HHLA2: variants seen among roughly 807,000 people sequenced by gnomAD.
HHLA2 encodes the protein HERV-H LTR-associating protein 2.
A neutral mutation model predicts 45.9 loss-of-function variants in HHLA2; 48 were observed. The ratio of observed to expected loss-of-function variants is 1.05; its 90% CI spans 0.83 to 1.33. The LOEUF (loss-of-function observed/expected upper bound fraction) is 1.33, where lower values mean the gene tolerates loss of function less well. Ranked by LOEUF, HHLA2 falls within the 40% of genes most tolerant of loss-of-function variation. The pLI is 0.00. For missense variants in HHLA2, 462 were observed against 494.3 expected (o/e 0.93, Z 0.62); for synonymous variants, 161 against 173.9 (o/e 0.93, Z 0.59).
intron 7 of HHLA2, among the ~76,000 whole-genome samples, chr3:108,359,255 C>T (rs1455319577): frequency 6.6e-6 from 1 of 151,984 alleles, no homozygotes; most frequent in East Asian, 1.9e-4. Context: ...ATCTAATTTT[C>T]AGTTCACACA....
chr3:108,370,900 T>G (rs964871625), intron 8 of HHLA2, among the ~76,000 whole-genome samples: 3 of 152,196 alleles, frequency 2.0e-5, no homozygotes, highest in Non-Finnish European at 4.4e-5. Context: ...TGGAAAACAC[T>G]CTGGGGAAGT....
At chr3:108,378,170 C>T (rs983460976) in exon 11 of HHLA2, 5 of 152,200 alleles carry the variant, frequency 3.3e-5, no homozygotes, top group African/African-American at 4.8e-5. Flanking sequence ...TTAACTTCAC[C>T]GCCTAACCCA....
intron 1 of HHLA2, among the ~76,000 whole-genome samples, chr3:108,304,101 TTC>T (rs928201814): frequency 6.6e-6 from 1 of 152,190 alleles, no homozygotes. Context: ...TTTGAGTGGC[TTC>T]TCTCTGTTCA....
At chr3:108,326,093 G>T in intron 2 of HHLA2, 3 of 268,988 alleles carry the variant, frequency 1.1e-5, no homozygotes, top group South Asian at 4.7e-5. Context: ...TTATTTCTTA[G>T]GTGATGGTCT....
rs190390046 is a variant in HHLA2 at position 108,357,493 on chromosome 3, A to G, written c.686-351A>G. ...GGGTGTTCTGGGGACCACCAGCATT[A>G]GAGGGGCCAAGAGAAGGAGAACATT... On this transcript the variant is annotated intron_variant, in intron 6 of 10. Transcript: ENST00000619531. Among the ~76,000 whole-genome samples the G allele has an allele frequency of 2.0e-5, 3 of 152,298 alleles. No homozygotes were observed. The East Asian group carries it at 5.8e-4, about 29-fold the overall frequency.
At chr3:108,300,186 A>G (rs1271927057) in intron 1 of HHLA2, among the ~76,000 whole-genome samples, 1 of 152,296 alleles carries the variant, frequency 6.6e-6, no homozygotes, top group East Asian at 1.9e-4. Flanking sequence ...GGGAAACAGC[A>G]CAGAACCTGG....
At chr3:108,298,389 C>T (rs1320846137) in intron 1 of HHLA2, among the ~76,000 whole-genome samples, 1 of 152,206 alleles carries the variant, frequency 6.6e-6, no homozygotes, top group African/African-American at 2.4e-5. Flanking sequence ...TAACACAATA[C>T]TATCTTTATA....
intron 2 of HHLA2, among the ~76,000 whole-genome samples, chr3:108,322,277 T>C (rs1402908373): frequency 6.6e-6 from 1 of 152,210 alleles, no homozygotes; most frequent in Non-Finnish European, 1.5e-5. Context: ...ATCTGTTTGA[T>C]AAATTAGTCT....
intron 2 of HHLA2, among the ~76,000 whole-genome samples, chr3:108,313,417 C>T (rs542451715): frequency 7.9e-5 from 12 of 152,258 alleles, no homozygotes; most frequent in African/African-American, 2.6e-4. Flanking sequence ...AAATATGTTT[C>T]AGAACCACTC....
chr3:108,352,060 T>C (rs1026041880), intron 4 of HHLA2, among the ~76,000 whole-genome samples, 183 bp downstream of exon 3: 3 of 152,224 alleles, frequency 2.0e-5, no homozygotes, highest in Non-Finnish European at 4.4e-5. Context: ...TATATATTTT[T>C]TCTGTCCACT....
At chr3:108,304,179 T>C (rs1015841681) in intron 1 of HHLA2, among the ~76,000 whole-genome samples, 7 of 152,208 alleles carry the variant, frequency 4.6e-5, no homozygotes, top group African/African-American at 1.7e-4. Context: ...TCCCATTTGT[T>C]TCCTACTCCT....
At chr3:108,302,118 T>C (rs1332734809) in intron 1 of HHLA2, among the ~76,000 whole-genome samples, 1 of 152,204 alleles carries the variant, frequency 6.6e-6, no homozygotes, top group Non-Finnish European at 1.5e-5. Flanking sequence ...GTGAGTTACA[T>C]AGATCTGATT....
chr3:108,348,602 T>C (rs1297901510), intron 3 of HHLA2, among the ~76,000 whole-genome samples: 1 of 151,752 alleles, frequency 6.6e-6, no homozygotes, highest in Non-Finnish European at 1.5e-5. Flanking sequence ...GAGAGAGAGA[T>C]CCTGATGATG....
At chr3:108,377,394 C>T (rs2082293783) in exon 11 of HHLA2, 4 of 721,456 alleles carry the variant, frequency 5.5e-6, no homozygotes, top group African/African-American at 5.4e-5. Flanking sequence ...ACAATTCTAC[C>T]ACTGCAAAGA....
intron 8 of HHLA2, 35 bp downstream of exon 7, chr3:108,362,481 C>T: frequency 7.7e-7 from 1 of 1,302,396 alleles, no homozygotes; most frequent in Non-Finnish European, 1.1e-6. Flanking sequence ...CCCACGTGTT[C>T]CACATCACGT....
chr3:108,320,606 T>A (rs1231550745), intron 2 of HHLA2, among the ~76,000 whole-genome samples: 2 of 151,984 alleles, frequency 1.3e-5, no homozygotes, highest in Non-Finnish European at 2.9e-5. Flanking sequence ...AATGATAGAG[T>A]GTGTGTGTAT....
intron 8 of HHLA2, among the ~76,000 whole-genome samples, chr3:108,366,938 C>A (rs965246675): frequency 7.9e-5 from 12 of 151,976 alleles, no homozygotes; most frequent in African/African-American, 2.9e-4. Flanking sequence ...GGTTGACAGA[C>A]ACCTCATACA....
chr3:108,302,434 T>C (rs954517357), intron 1 of HHLA2: 6 of 152,226 alleles, frequency 3.9e-5, no homozygotes, highest in Admixed American at 1.3e-4. Context: ...GCATTTTGAT[T>C]GGTTCAAATT....
intron 9 of HHLA2, among the ~76,000 whole-genome samples, 160 bp downstream of exon 8, chr3:108,375,960 A>G (rs1366367632): frequency 6.6e-6 from 1 of 152,214 alleles, no homozygotes; most frequent in African/African-American, 2.4e-5. Context: ...AAGCTGTTAT[A>G]TGAAAAGCCA....
Sources: gnomAD v4.1 joint callset for allele counts (sites outside exome capture counted in the v4.1 genomes callset) on GRCh38, gnomAD v4.1.1 for gene constraint, MANE v1.5 for transcripts, NCBI Gene and HGNC (gene_info 2026-07-23, HGNC 2026-07-21) for gene names.